The following SCN8A variants were observed in gnomAD, a reference collection of about 807,000 sequenced individuals.
SCN8A encodes sodium channel protein type 8 subunit alpha.
SCN8A carries 30 observed loss-of-function variants against 184.1 expected under a neutral mutation model. That is an observed-to-expected ratio of 0.16 (90% CI 0.12 to 0.22). The LOEUF (loss-of-function observed/expected upper bound fraction) is 0.22. SCN8A is among the 10% of genes least tolerant of loss of function. The pLI, the probability that SCN8A is intolerant of heterozygous loss-of-function variation, is 1.00. For synonymous variants in SCN8A, 852 were observed against 907.0 expected (o/e 0.94, Z 1.09); for missense variants, 1,057 against 2,498.9 (o/e 0.42, Z 12.30).
rs1198801356 is a variant in SCN8A, at chr12:51,768,103, T to A, written c.2902-762T>A. 2.0e-5 allele frequency: 3 copies of A among 152,192 alleles called. No individual in the cohort carries two copies. In the East Asian group the frequency reaches 5.8e-4, roughly 29 times the overall value. The allele number at this position is 152,192 out of a possible 1,614,324, so 9.4% of individuals were successfully genotyped here. Reference sequence around the variant, plus strand: ...CCTCCTAAAATGTATGCCTTACTCTTCTTCCCAAGTATGACAAAGTAAGGA... The same window carrying A: ...CCTCCTAAAATGTATGCCTTACTCTACTTCCCAAGTATGACAAAGTAAGGA... On this transcript the variant is annotated intron_variant, in intron 16 of 26. Coordinates refer to ENST00000627620, the MANE Select transcript of SCN8A (RefSeq NM_001330260.2).
At chr12:51,723,538 T>C (rs984646939) in intron 12 of SCN8A, among the ~76,000 whole-genome samples, 1 of 152,160 alleles carries the variant, frequency 6.6e-6, no homozygotes, top group Non-Finnish European at 1.5e-5. Context: ...TAGCTTTTTA[T>C]AAGCTACAAA....
chr12:51,676,212 G>A (rs113889904), intron 2 of SCN8A, among the ~76,000 whole-genome samples: 51 of 152,238 alleles, frequency 3.4e-4, no homozygotes, highest in South Asian at 2.5e-3. Context: ...ACCAGGACAC[G>A]GGTACTCTGG....
At chr12:51,709,424 A>G (rs193196537) in intron 11 of SCN8A, among the ~76,000 whole-genome samples, 15 of 152,332 alleles carry the variant, frequency 9.8e-5, no homozygotes, top group Non-Finnish European at 1.8e-4. Context: ...AAAACGGATA[A>G]ACAGTGTTAG....
At chr12:51,694,399 A>T (rs1941560307) in intron 6 of SCN8A, among the ~76,000 whole-genome samples, 1 of 152,222 alleles carries the variant, frequency 6.6e-6, no homozygotes, top group African/African-American at 2.4e-5. Context: ...CTTTGGACAT[A>T]GAGTAGAATT....
chr12:51,696,868 TAA>T (rs113239134), intron 6 of SCN8A, among the ~76,000 whole-genome samples: 1 of 142,782 alleles, frequency 7.0e-6, no homozygotes. Context: ...CCATCTCTGC[TAA>T]AAAAAAAAAA....
At chr12:51,786,879 A>G in intron 22 of SCN8A, 53 bp downstream of exon 22, 1 of 1,529,424 alleles carries the variant, frequency 6.5e-7, no homozygotes, top group Admixed American at 2.0e-5. Context: ...TCAGGCAGCT[A>G]GCACAAATCC....
chr12:51,797,668 G>A (rs560389771), intron 26 of SCN8A, among the ~76,000 whole-genome samples: 34 of 152,234 alleles, frequency 2.2e-4, no homozygotes, highest in African/African-American at 7.0e-4. Context: ...ACTAAGAGAC[G>A]CCCTAAGGGA....
At chr12:51,688,362 G>A (rs1316858386) in intron 5 of SCN8A, among the ~76,000 whole-genome samples, 1 of 152,180 alleles carries the variant, frequency 6.6e-6, no homozygotes, top group Non-Finnish European at 1.5e-5. Context: ...TTACTTTAAT[G>A]TAGATTTGTT....
At chr12:51,755,037 G>A (rs1393201924) in intron 14 of SCN8A, among the ~76,000 whole-genome samples, 2 of 152,144 alleles carry the variant, frequency 1.3e-5, no homozygotes, top group Non-Finnish European at 2.9e-5. Flanking sequence ...GTGACTTTAA[G>A]CTAAATGATA....
chr12:51,663,903 ATTTTTT>A (rs796653928), intron 2 of SCN8A, among the ~76,000 whole-genome samples: 1,141 of 69,852 alleles, frequency 0.016, 21 homozygotes, highest in African/African-American at 0.052. Flanking sequence ...CATTTGACAG[ATTTTTT>A]TTTTTTTTTT....
chr12:51,593,975 A>G (rs1249639426), intron 1 of SCN8A, among the ~76,000 whole-genome samples: 2 of 152,216 alleles, frequency 1.3e-5, no homozygotes, highest in Admixed American at 1.3e-4. Context: ...ATAGCTGGCT[A>G]AATTAAACTG....
Position 51,591,290 on chromosome 12 carries a change from T to C in SCN8A, c.-124T>C. 1 of 154,858 alleles carries C rather than the reference T, an allele frequency of 6.5e-6. No individual in the cohort carries two copies. Among genetic ancestry groups the C allele is most frequent in the Non-Finnish European group, 1.4e-5 (1 of 69,750 alleles). 9.6% of individuals were successfully genotyped at this position (154,858 alleles called of 1,614,324 possible). A position where few individuals can be genotyped will look rare whatever the true frequency, so the allele number is the denominator to read the frequency against. ...CCCGCCCGCCGCATCCTCGGCGCCT[T>C]TGCAGTCCGGCCGCGCCTCCCGGGC... On this transcript the variant is annotated 5_prime_UTR_variant, in exon 1 of 27. Coordinates refer to ENST00000627620, the MANE Select transcript of SCN8A (RefSeq NM_001330260.2).
At chr12:51,642,996 G>C (rs1940489516) in intron 1 of SCN8A, among the ~76,000 whole-genome samples, 1 of 152,106 alleles carries the variant, frequency 6.6e-6, no homozygotes, top group African/African-American at 2.4e-5. Context: ...CACACTGAAG[G>C]CTGGGTGGCC....
chr12:51,634,650 A>ATT (rs1385718460), intron 1 of SCN8A, among the ~76,000 whole-genome samples: 63 of 55,258 alleles, frequency 1.1e-3, no homozygotes, highest in East Asian at 0.011. Context: ...TATTATTATT[A>ATT]TTATTATTTT....
At chr12:51,597,975 G>A (rs1172658838) in intron 1 of SCN8A, among the ~76,000 whole-genome samples, 1 of 152,032 alleles carries the variant, frequency 6.6e-6, no homozygotes, top group African/African-American at 2.4e-5. Context: ...AAATCAAGCA[G>A]GTTGCAAATG....
At chr12:51,731,420 T>C (rs1942240327) in intron 12 of SCN8A, among the ~76,000 whole-genome samples, 1 of 151,596 alleles carries the variant, frequency 6.6e-6, no homozygotes, top group Admixed American at 6.6e-5. Flanking sequence ...CCGGCTAATT[T>C]TTGTATTTTT....
intron 22 of SCN8A, among the ~76,000 whole-genome samples, chr12:51,787,992 C>T (rs1488870405): frequency 1.3e-5 from 2 of 152,222 alleles, no homozygotes; most frequent in Non-Finnish European, 2.9e-5. Flanking sequence ...CTGTGCTTGA[C>T]AGTACAGTAC....
At chr12:51,705,038 A>G (rs970951425) in intron 9 of SCN8A, among the ~76,000 whole-genome samples, 1 of 152,188 alleles carries the variant, frequency 6.6e-6, no homozygotes, top group African/African-American at 2.4e-5. Context: ...TTTCAGAGAC[A>G]TAATTTGTCT....
intron 6 of SCN8A, among the ~76,000 whole-genome samples, chr12:51,694,077 C>T (rs930398753): frequency 6.6e-5 from 10 of 152,166 alleles, no homozygotes; most frequent in African/African-American, 2.4e-4. Context: ...GGATTACAAG[C>T]ATGCGCCACA....
Sources: gnomAD v4.1 joint callset for allele counts (sites outside exome capture counted in the v4.1 genomes callset) on GRCh38, gnomAD v4.1.1 for gene constraint, MANE v1.5 for transcripts, NCBI Gene and HGNC (gene_info 2026-07-23, HGNC 2026-07-21) for gene names.